Variants in NLRC5 observed in about 807,000 individuals in gnomAD.
The protein encoded by NLRC5 is NLR family CARD domain containing 5.
In NLRC5, 114 loss-of-function variants were observed where a neutral mutation model predicts 206.9. The observed-to-expected ratio is 0.55, with a 90% CI of 0.47 to 0.64. The LOEUF is 0.64. Ranked by LOEUF, NLRC5 falls within the 30% of genes least tolerant of loss-of-function variation. The pLI is 0.00. For missense variants in NLRC5, 2,008 were observed against 2,305.5 expected (o/e 0.87, Z 2.64); for synonymous variants, 952 against 962.8 (o/e 0.99, Z 0.21).
rs2068778298 is a variant in NLRC5, at chr16:57,078,934, G to A, written c.5082-116G>A. The stretch of plus-strand genomic sequence containing the variant: ...ATACCTACCCAGGTCCTGTGTGGAT[G>A]GGGAATTAGCCAGAGACTGTCTACG... On this transcript the variant is annotated intron_variant, in intron 43 of 48. Transcript: ENST00000688547. 3.3e-6 allele frequency: 3 copies of A among 912,132 alleles called. No homozygotes were observed. The South Asian group carries it at 4.7e-5, about 14-fold the overall frequency. 56.5% of individuals were successfully genotyped at this position (912,132 alleles called of 1,614,324 possible). A position where few individuals can be genotyped will look rare whatever the true frequency, so the allele number is the denominator to read the frequency against.
chr16:57,069,985 G>A, intron 37 of NLRC5, 66 bp downstream of exon 37: 4 of 1,382,298 alleles, frequency 2.9e-6, no homozygotes, highest in Non-Finnish European at 4.0e-6. Context: ...GGAGAAGAGA[G>A]CAGGGCGTTT....
intron 36 of NLRC5, 113 bp from the exon 37 acceptor site, chr16:57,069,723 C>T: frequency 2.5e-6 from 2 of 805,946 alleles, no homozygotes; most frequent in Non-Finnish European, 4.2e-6. Flanking sequence ...GAGGTCTCCT[C>T]ACATTGCCCG....
intron 1 of NLRC5, among the ~76,000 whole-genome samples, chr16:56,992,858 A>G (rs147055262): frequency 2.6e-3 from 378 of 144,862 alleles, no homozygotes; most frequent in African/African-American, 8.6e-3. Context: ...ATTATGCGTT[A>G]AAGGGAAATT....
intron 18 of NLRC5, 121 bp from the exon 19 acceptor site, chr16:57,041,861 C>T (rs1597319312): frequency 2.8e-6 from 2 of 707,512 alleles, no homozygotes; most frequent in East Asian, 5.6e-5. Context: ...TGAGATCTGG[C>T]CTGGCAGCCC....
rs113631768 is a variant in NLRC5 at position 57,070,859 on chromosome 16, T to G, written c.4667+241T>G. On this transcript the variant is annotated intron_variant, in intron 38 of 48. Coordinates refer to ENST00000688547, the MANE Select transcript of NLRC5 (RefSeq NM_001384950.1). ...GGTGATGGTGGTTAATGGGGAAGGG[T>G]GTGAGAGTGGTGATGGTGGTTAATG... Among the ~76,000 whole-genome samples, 4,233 of 110,906 alleles carry G rather than the reference T, an allele frequency of 0.038. 279 individuals are homozygous for G. Among genetic ancestry groups the G allele is most frequent in the African/African-American group, 0.097 (2,050 of 21,206 alleles). 72.8% of individuals were successfully genotyped at this position (110,906 alleles called of 152,430 possible).
At chr16:57,070,020 A>G (rs78913768) in intron 37 of NLRC5, 101 bp downstream of exon 37, 13,836 of 882,702 alleles carry the variant, frequency 0.016, 838 homozygotes, top group Admixed American at 0.15. Context: ...TGAGACTTCA[A>G]CCAATGACCC....
chr16:57,041,426 G>A (rs548842005), intron 17 of NLRC5, 59 bp from the exon 18 acceptor site: 12 of 1,451,790 alleles, frequency 8.3e-6, no homozygotes, highest in South Asian at 2.3e-5. Flanking sequence ...GTGGGAAAGC[G>A]GCTCCTTCCC....
intron 1 of NLRC5, among the ~76,000 whole-genome samples, chr16:57,006,888 C>CATTATTATTATTATTA (rs2058972254): frequency 6.9e-6 from 1 of 144,058 alleles, no homozygotes; most frequent in Non-Finnish European, 1.5e-5. Flanking sequence ...ACCGTTAACA[C>CATTATTATTATTATTA]ATTATTATTA....
At chr16:56,996,815 C>T (rs1407330861) in intron 1 of NLRC5, among the ~76,000 whole-genome samples, 1 of 152,062 alleles carries the variant, frequency 6.6e-6, no homozygotes. Context: ...TTGTTGAAAG[C>T]AGTATTATAT....
In NLRC5 at chr16:57,025,678, G is replaced by A; in HGVS notation, c.735G>A (p.Trp245Ter). The A allele has an allele frequency of 6.2e-7, 1 of 1,614,048 alleles. No homozygotes were observed. The highest frequency in any genetic ancestry group is 8.5e-7 in the Non-Finnish European group (1 of 1,180,010). The stretch of plus-strand genomic sequence containing the variant: ...TGGCCCACCGGCTCTGCCAGAAGTG[G>A]GCAGAGGGCCATCTGAACTGTTTCC... ...TTLAHRLCQK[W>*]AEGHLNCFQA... Residue 245 changes from tryptophan (W) to a stop codon, truncating the protein, a stop_gained, in exon 6 of 49, where the codon TGG becomes TGA. Coordinates refer to ENST00000688547, the MANE Select transcript of NLRC5 (RefSeq NM_001384950.1). LOFTEE classifies it high-confidence loss of function.
At position 57,079,149 on chromosome 16, in the gene NLRC5, C is replaced by T; in HGVS notation, c.5165+16C>T. On this transcript the variant is annotated intron_variant, in intron 44 of 48. Transcript: ENST00000688547. ...AAGAGATCAGGTAAGTAGGGGCTGCCCAGCCCAGGCACGGGGACAGTCCTG... is the reference window on the plus strand; with the variant it reads ...AAGAGATCAGGTAAGTAGGGGCTGCTCAGCCCAGGCACGGGGACAGTCCTG... The T allele has an allele frequency of 1.2e-6, 2 of 1,613,974 alleles. No homozygotes were observed. The highest frequency in any genetic ancestry group is 1.7e-6 in the Non-Finnish European group (2 of 1,179,928).
chr16:57,011,651 G>T (rs1233172290), intron 1 of NLRC5, among the ~76,000 whole-genome samples: 1 of 151,430 alleles, frequency 6.6e-6, no homozygotes, highest in Non-Finnish European at 1.5e-5. Flanking sequence ...GAACTCAGGA[G>T]TAGGAGGCTG....
At chr16:56,993,266 A>G (rs1453255050) in intron 1 of NLRC5, among the ~76,000 whole-genome samples, 3 of 150,824 alleles carry the variant, frequency 2.0e-5, no homozygotes, top group African/African-American at 7.3e-5. Context: ...ACTTAGTGCA[A>G]TTTGGAAATC....
chr16:57,069,447 A>G (rs1268750052), intron 36 of NLRC5, among the ~76,000 whole-genome samples: 10 of 152,232 alleles, frequency 6.6e-5, no homozygotes, highest in Admixed American at 5.9e-4. Context: ...CAAAAAATAA[A>G]TAAATAAAAT....
chr16:57,020,930 T>G lies in NLRC5; in HGVS notation c.218T>G (p.Ile73Ser). The change falls in exon 3 of 49, where the codon ATT (isoleucine) becomes AGT (serine). Residue 73 changes from isoleucine (I) to serine (S), a missense_variant. Physicochemically the swap from Ile to Ser is moderately radical, Grantham distance 142. Coordinates refer to ENST00000688547, the MANE Select transcript of NLRC5 (RefSeq NM_001384950.1). Reference protein sequence around the residue: ...VQGSDTWQSFIHCVCMQLEVP... With the variant: ...VQGSDTWQSFSHCVCMQLEVP... Reference sequence around the variant, plus strand: ...GGTTCGGACACCTGGCAGTCTTTCATTCATTGTGTGTGCATGCAGCTGGAG... The same window carrying G: ...GGTTCGGACACCTGGCAGTCTTTCAGTCATTGTGTGTGCATGCAGCTGGAG... 1 of 1,614,002 alleles carries G rather than the reference T, an allele frequency of 6.2e-7. No homozygotes were observed.
chr16:57,024,076 C>T (rs2060988703), intron 5 of NLRC5, among the ~76,000 whole-genome samples: 1 of 152,244 alleles, frequency 6.6e-6, no homozygotes, highest in African/African-American at 2.4e-5. Context: ...ATGGGGACTT[C>T]TCTGAAGAGG....
chr16:57,037,811 G>A (rs72780011), intron 15 of NLRC5, among the ~76,000 whole-genome samples: 14 of 152,192 alleles, frequency 9.2e-5, no homozygotes, highest in Non-Finnish European at 1.6e-4. Context: ...GTATGGGGAG[G>A]TGAGGACAGA....
intron 1 of NLRC5, among the ~76,000 whole-genome samples, chr16:57,010,943 G>T (rs2059422475): frequency 6.6e-6 from 1 of 151,928 alleles, no homozygotes; most frequent in African/African-American, 2.4e-5. Context: ...AGTTTGAATG[G>T]TTCAAAGGGT....
At chr16:57,021,370 T>C (rs1463263213) in intron 3 of NLRC5, among the ~76,000 whole-genome samples, 1 of 152,170 alleles carries the variant, frequency 6.6e-6, no homozygotes, top group Non-Finnish European at 1.5e-5. Context: ...GTTTGTTTTT[T>C]ATTTTTGAGA....
Sources: allele counts gnomAD v4.1 joint callset (sites outside exome capture counted in the v4.1 genomes callset), GRCh38; gene constraint gnomAD v4.1.1; transcripts MANE v1.5; gene names NCBI Gene and HGNC (gene_info 2026-07-23, HGNC 2026-07-21).